Variants in NPAS3 observed in about 807,000 individuals in gnomAD.
The protein encoded by NPAS3 is neuronal PAS domain-containing protein 3.
A neutral mutation model predicts 73.1 loss-of-function variants in NPAS3; 14 were observed. The observed-to-expected ratio is 0.19, with a 90% CI of 0.13 to 0.30. The LOEUF is 0.30. NPAS3 is among the 10% of genes least tolerant of loss of function. NPAS3 has a pLI of 1.00. For missense variants in NPAS3, 1,096 were observed against 1,250.0 expected (o/e 0.88, Z 1.86); for synonymous variants, 620 against 541.5 (o/e 1.14, Z -2.01).
chr14:33,629,429 G>A (rs898172573), intron 5 of NPAS3, among the ~76,000 whole-genome samples: 1 of 152,106 alleles, frequency 6.6e-6, no homozygotes, highest in Non-Finnish European at 1.5e-5. Flanking sequence ...TACTACTTTG[G>A]TGCCTGCACT....
At chr14:33,270,254 G>C (rs2041009407) in intron 3 of NPAS3, among the ~76,000 whole-genome samples, 1 of 152,126 alleles carries the variant, frequency 6.6e-6, no homozygotes, top group Non-Finnish European at 1.5e-5. Flanking sequence ...GGATACAGCT[G>C]TAAACAATTG....
intron 6 of NPAS3, among the ~76,000 whole-genome samples, chr14:33,713,334 C>T (rs2060874460): frequency 6.6e-6 from 1 of 152,246 alleles, no homozygotes; most frequent in Non-Finnish European, 1.5e-5. Flanking sequence ...TCAGCCTTAT[C>T]CCTTAGTTAA....
At chr14:33,784,748 T>TA (rs58424536) in intron 9 of NPAS3, among the ~76,000 whole-genome samples, 17,983 of 106,710 alleles carry the variant, frequency 0.17, 1,344 homozygotes, top group East Asian at 0.19. Flanking sequence ...TTTATTTATT[T>TA]TTTTTTTTTT....
intron 1 of NPAS3, among the ~76,000 whole-genome samples, chr14:32,976,010 C>T (rs1474199274): frequency 6.6e-6 from 1 of 152,116 alleles, no homozygotes; most frequent in Non-Finnish European, 1.5e-5. Flanking sequence ...CAAAGACAAT[C>T]AGCTCCTTGT....
chr14:33,280,825 C>A (rs1190042910), intron 3 of NPAS3, among the ~76,000 whole-genome samples: 1 of 152,156 alleles, frequency 6.6e-6, no homozygotes, highest in African/African-American at 2.4e-5. Context: ...GGGTGAGTCA[C>A]CACTCAAGTT....
intron 7 of NPAS3, among the ~76,000 whole-genome samples, chr14:33,744,657 G>C (rs1424500861): frequency 6.6e-6 from 1 of 152,118 alleles, no homozygotes; most frequent in Non-Finnish European, 1.5e-5. Flanking sequence ...AGGCATAGTG[G>C]TGCCTGCCTG....
At chr14:33,576,378 T>C (rs908344545) in intron 5 of NPAS3, among the ~76,000 whole-genome samples, 1 of 152,202 alleles carries the variant, frequency 6.6e-6, no homozygotes, top group Non-Finnish European at 1.5e-5. Flanking sequence ...GGACTGTAAT[T>C]TACTTTTTGG....
At chr14:33,517,761 GC>G (rs2053369614) in intron 4 of NPAS3, among the ~76,000 whole-genome samples, 1 of 151,994 alleles carries the variant, frequency 6.6e-6, no homozygotes, top group African/African-American at 2.4e-5. Context: ...TTACATATTT[GC>G]CCATCTAGTT....
chr14:33,077,176 C>A (rs1467644759), intron 2 of NPAS3, among the ~76,000 whole-genome samples: 1 of 152,044 alleles, frequency 6.6e-6, no homozygotes, highest in East Asian at 1.9e-4. Flanking sequence ...ACAGAGATAA[C>A]AATAAACAGG....
At chr14:33,224,107 T>C (rs535914922) in intron 3 of NPAS3, among the ~76,000 whole-genome samples, 17 of 152,306 alleles carry the variant, frequency 1.1e-4, no homozygotes, top group African/African-American at 4.1e-4. Context: ...AATATTTTAG[T>C]CATGACATCT....
rs142083342 is a variant in NPAS3 at position 33,152,188 on chromosome 14, G to T, written c.141-62994G>T. 5.5e-3 allele frequency among the ~76,000 whole-genome samples: 843 copies of T among 152,006 alleles called. 2 individuals are homozygous for T. The highest frequency in any genetic ancestry group is 0.017 in the Middle Eastern group (5 of 294). ...AAGCCCCTGCAACAAAAATTACCTG[G>T]CCCCAAATGTCAGTAGTACCAAGGT... On this transcript the variant is annotated intron_variant, in intron 2 of 11. Coordinates refer to ENST00000356141, the Ensembl canonical transcript of NPAS3.
chr14:33,779,505 C>T (rs2062917429), intron 9 of NPAS3, among the ~76,000 whole-genome samples: 1 of 152,220 alleles, frequency 6.6e-6, no homozygotes, highest in Admixed American at 6.5e-5. Flanking sequence ...AATACAGTCA[C>T]ATGCCACTTA....
At chr14:33,425,540 CTT>C (rs35858110) in intron 4 of NPAS3, among the ~76,000 whole-genome samples, 10 of 140,422 alleles carry the variant, frequency 7.1e-5, no homozygotes, top group Admixed American at 7.1e-5. Context: ...TCCACTCCAC[CTT>C]TTTTTTTTTT....
rs184883908 is a variant in NPAS3, at chr14:33,664,990, A to G, written c.559-11221A>G. On this transcript the variant is annotated intron_variant, in intron 5 of 11. Coordinates refer to ENST00000356141, the Ensembl canonical transcript of NPAS3. ...TAGAACCAGAAATACCATTTGACCCAGCCATCCCATTACTGGGTATATACC... is the reference window on the plus strand; with the variant it reads ...TAGAACCAGAAATACCATTTGACCCGGCCATCCCATTACTGGGTATATACC... Among the ~76,000 whole-genome samples, 69 of 152,346 alleles carry G rather than the reference A, an allele frequency of 4.5e-4. No individual in the cohort carries two copies. In the East Asian group the frequency reaches 0.013, roughly 28 times the overall value.
intron 1 of NPAS3, among the ~76,000 whole-genome samples, chr14:33,025,660 T>A (rs1399872145): frequency 1.3e-5 from 2 of 152,188 alleles, no homozygotes; most frequent in Non-Finnish European, 2.9e-5. Flanking sequence ...GATTTCCCCC[T>A]TACTGTTCTC....
chr14:33,329,958 A>T (rs2043906145), intron 3 of NPAS3, among the ~76,000 whole-genome samples: 1 of 152,180 alleles, frequency 6.6e-6, no homozygotes, highest in Non-Finnish European at 1.5e-5. Context: ...TATTAGGAAA[A>T]ATAAATATTT....
At chr14:33,658,152 T>C (rs2059202477) in intron 5 of NPAS3, among the ~76,000 whole-genome samples, 1 of 152,196 alleles carries the variant, frequency 6.6e-6, no homozygotes, top group Admixed American at 6.5e-5. Context: ...TTAGAAGACT[T>C]TATAGATGTT....
chr14:33,449,764 C>T (rs193083225), intron 4 of NPAS3, among the ~76,000 whole-genome samples: 15 of 152,258 alleles, frequency 9.9e-5, no homozygotes, highest in Admixed American at 6.5e-4. Flanking sequence ...TTTATTCCCC[C>T]CCAGGCTCTG....
exon 11 of NPAS3, chr14:33,797,562 A>G (rs1351000036): frequency 6.2e-7 from 1 of 1,614,102 alleles, no homozygotes; most frequent in East Asian, 2.2e-5. Flanking sequence ...CAGACTCTAA[A>G]GACACCTCAG....
Sources: gnomAD v4.1 joint callset for allele counts (sites outside exome capture counted in the v4.1 genomes callset) on GRCh38, gnomAD v4.1.1 for gene constraint, MANE v1.5 for transcripts, NCBI Gene and HGNC (gene_info 2026-07-23, HGNC 2026-07-21) for gene names.